Variants in CARHSP1 observed in about 807,000 individuals in gnomAD.
CARHSP1 encodes calcium regulated heat stable protein 1, also known as calcium-regulated heat-stable protein 1.
CARHSP1 carries 14 observed loss-of-function variants against 12.5 expected under a neutral mutation model. The observed-to-expected ratio is 1.12, with a 90% CI of 0.74 to 1.75. The LOEUF (loss-of-function observed/expected upper bound fraction) is 1.75, where lower values mean the gene tolerates loss of function less well. CARHSP1 is among the 40% of genes most tolerant of loss of function. CARHSP1 has a pLI of 0.00. For missense variants in CARHSP1, 343 were observed against 201.6 expected (o/e 1.70, Z -4.25); for synonymous variants, 161 against 82.0 (o/e 1.96, Z -5.20).
chr16:8,866,448 T>G, intron 1 of CARHSP1: 1 of 985,326 alleles, frequency 1.0e-6, no homozygotes, highest in Non-Finnish European at 1.2e-6. Flanking sequence ...TCCTCCTTTG[T>G]AAACAGACAG....
intron 3 of CARHSP1, among the ~76,000 whole-genome samples, chr16:8,856,330 G>GTTTGT (rs1328299207): frequency 6.6e-6 from 1 of 152,138 alleles, no homozygotes; most frequent in African/African-American, 2.4e-5. Context: ...CTAGTAACTG[G>GTTTGT]TTTGTTTTGA....
intron 1 of CARHSP1, chr16:8,866,534 AGAGGC>A: frequency 1.1e-6 from 1 of 920,926 alleles, no homozygotes; most frequent in East Asian, 1.2e-4. Context: ...ACGTGGGCCG[AGAGGC>A]GGGGCGGGTC....
rs1296823910 is a variant in CARHSP1 at position 8,854,700 on chromosome 16, G to A, written c.*464C>T. On this transcript the variant is annotated 3_prime_UTR_variant, in exon 4 of 4. Coordinates refer to ENST00000311052, the MANE Select transcript of CARHSP1 (RefSeq NM_014316.4). ...CCCAGGCCCCAGGAGAGGCGCAAGG[G>A]GCACTTAGGTGGAAATTTGCCTTGG... 6.5e-6 allele frequency: 1 copy of A among 153,614 alleles called. No individual in the cohort carries two copies. Among genetic ancestry groups the A allele is most frequent in the African/African-American group, 2.4e-5 (1 of 41,490 alleles). 9.5% of individuals were successfully genotyped at this position (153,614 alleles called of 1,614,324 possible).
chr16:8,861,092 A>ACT (rs1480009988), intron 1 of CARHSP1, among the ~76,000 whole-genome samples: 7 of 143,390 alleles, frequency 4.9e-5, no homozygotes, highest in African/African-American at 1.6e-4. Flanking sequence ...ACAGTGTCTC[A>ACT]CTGTCACCCA....
chr16:8,860,805 C>A (rs1465842679), intron 1 of CARHSP1, among the ~76,000 whole-genome samples: 2 of 151,976 alleles, frequency 1.3e-5, no homozygotes, highest in Non-Finnish European at 2.9e-5. Flanking sequence ...AATCCCAGCA[C>A]TTTGAGAGGC....
intron 1 of CARHSP1, among the ~76,000 whole-genome samples, chr16:8,862,537 G>A (rs896404333): frequency 3.3e-5 from 5 of 152,030 alleles, no homozygotes; most frequent in African/African-American, 7.3e-5. Flanking sequence ...TCCCAAAAGG[G>A]CTGTAAAGAA....
intron 1 of CARHSP1, among the ~76,000 whole-genome samples, chr16:8,866,804 G>T (rs111878428): frequency 1.9e-4 from 29 of 152,248 alleles, no homozygotes; most frequent in African/African-American, 6.7e-4. Context: ...CGCTGGCTAA[G>T]GACCTGAAGC....
chr16:8,855,673 G>A (rs888659836), intron 3 of CARHSP1, among the ~76,000 whole-genome samples: 1 of 132,166 alleles, frequency 7.6e-6, no homozygotes, highest in African/African-American at 2.8e-5. Context: ...CCAAGCCAGA[G>A]AGCCAGAGAG....
Position 8,855,171 on chromosome 16 carries a change from C to T in CARHSP1, c.437G>A (p.Ser146Asn). 1 of 1,596,238 alleles carries T rather than the reference C, an allele frequency of 6.3e-7. No individual in the cohort carries two copies. The highest frequency in any genetic ancestry group is 2.3e-5 in the East Asian group (1 of 43,836). The change falls in exon 4 of 4, where the codon AGC (serine) becomes AAC (asparagine). Residue 146 changes from serine (S) to asparagine (N), a missense_variant. Physicochemically the swap from Ser to Asn is conservative, Grantham distance 46 (BLOSUM62 1). Transcript: ENST00000311052. Reference protein sequence around the residue: ...KHETWSGHVISS With the variant: ...KHETWSGHVINS ...GGGTGCTTCCACCATCTCCTAGGAG[C>T]TGATGACATGTCCAGACCAGGTCTC... is the stretch of plus-strand genomic sequence containing the variant.
At chr16:8,859,406 A>C in intron 1 of CARHSP1, 71 bp from the exon 2 acceptor site, 2 of 1,367,708 alleles carry the variant, frequency 1.5e-6, no homozygotes, top group Non-Finnish European at 2.0e-6. Flanking sequence ...CCCCATGTCC[A>C]CGTCTGACAG....
intron 1 of CARHSP1, chr16:8,867,367 G>A (rs960305314): frequency 1.3e-5 from 2 of 152,306 alleles, no homozygotes; most frequent in Non-Finnish European, 2.9e-5. Context: ...CTGCGTCGCA[G>A]GGCTCGGACG....
At chr16:8,858,991 A>C (rs1422502559) in intron 2 of CARHSP1, 180 bp downstream of exon 2, 3 of 548,824 alleles carry the variant, frequency 5.5e-6, no homozygotes, top group African/African-American at 3.8e-5. Flanking sequence ...TGGGCTGGGC[A>C]GTACCCTGAA....
intron 2 of CARHSP1, chr16:8,858,766 A>G (rs190554200): frequency 2.2e-5 from 10 of 454,930 alleles, no homozygotes; most frequent in Admixed American, 7.8e-5. Context: ...ATGATTTACT[A>G]TTAATAACAC....
intron 1 of CARHSP1, chr16:8,860,236 G>C: frequency 4.1e-6 from 4 of 984,610 alleles, no homozygotes; most frequent in Non-Finnish European, 4.8e-6. Flanking sequence ...AGCCCAAAGG[G>C]AAAGGGAGAA....
At chr16:8,868,530 A>T (rs2061484393) in intron 1 of CARHSP1, 1 of 143,550 alleles carries the variant, frequency 7.0e-6, no homozygotes, top group African/African-American at 2.5e-5. Context: ...CGCCGTCCCA[A>T]CCTCGAGCCA....
intron 3 of CARHSP1, 132 bp downstream of exon 3, chr16:8,858,218 A>G: frequency 1.9e-6 from 2 of 1,078,740 alleles, no homozygotes; most frequent in South Asian, 3.2e-5. Flanking sequence ...CACCAGCCAC[A>G]GGCAGAGTCA....
chr16:8,855,447 G>T, intron 3 of CARHSP1, 121 bp from the exon 4 acceptor site: 1 of 837,250 alleles, frequency 1.2e-6, no homozygotes, highest in East Asian at 3.1e-5. Flanking sequence ...CCAACCACCG[G>T]GAACCTCTTT....
In CARHSP1 at chr16:8,854,276, C is replaced by G. The variant is rs187137444; in HGVS notation, c.*888G>C. 2.0e-5 allele frequency: 3 copies of G among 152,208 alleles called. No homozygotes were observed. The highest frequency in any genetic ancestry group is 2.9e-5 in the Non-Finnish European group (2 of 68,046). 9.4% of individuals were successfully genotyped at this position (152,208 alleles called of 1,614,324 possible). A position where few individuals can be genotyped will look rare whatever the true frequency, so the allele number is the denominator to read the frequency against. ...TTGACTTTGCCAGGCTGTCAGGATGCAAGCTACCTACTCTTTTCTGGATGG... is the reference window on the plus strand; with the variant it reads ...TTGACTTTGCCAGGCTGTCAGGATGGAAGCTACCTACTCTTTTCTGGATGG... On this transcript the variant is annotated 3_prime_UTR_variant, in exon 4 of 4. Transcript: ENST00000311052.
At chr16:8,858,662 T>C in intron 2 of CARHSP1, 190 bp from the exon 3 acceptor site, 1 of 682,916 alleles carries the variant, frequency 1.5e-6, no homozygotes, top group South Asian at 2.2e-5. Flanking sequence ...GAAAGGACTC[T>C]TTGGATGACC....
Sources: gnomAD v4.1 joint callset for allele counts (sites outside exome capture counted in the v4.1 genomes callset) on GRCh38, gnomAD v4.1.1 for gene constraint, MANE v1.5 for transcripts, NCBI Gene and HGNC (gene_info 2026-07-23, HGNC 2026-07-21) for gene names.